The following MAL2 variants were observed in gnomAD, a reference collection of about 807,000 sequenced individuals.
MAL2 encodes the protein protein MAL2.
In MAL2, 17 loss-of-function variants were observed where a neutral mutation model predicts 18.1. The ratio of observed to expected loss-of-function variants is 0.94; its 90% CI spans 0.64 to 1.41. MAL2 has a LOEUF of 1.41. Among genes scored for constraint, MAL2 ranks in the 40% most tolerant of loss-of-function variants. The pLI is 0.00. For missense variants in MAL2, 222 were observed against 231.9 expected (o/e 0.96, Z 0.28); for synonymous variants, 102 against 102.3 (o/e 1.00, Z 0.02).
chr8:119,209,591 T>G (rs1346013257), intron 1 of MAL2, among the ~76,000 whole-genome samples: 1 of 152,192 alleles, frequency 6.6e-6, no homozygotes, highest in Non-Finnish European at 1.5e-5. Context: ...TGGTATTGTT[T>G]GCTCGGTTTA....
At chr8:119,214,760 C>A (rs989437959) in intron 1 of MAL2, among the ~76,000 whole-genome samples, 2 of 152,100 alleles carry the variant, frequency 1.3e-5, no homozygotes, top group Non-Finnish European at 2.9e-5. Flanking sequence ...ATTTTTAAAG[C>A]CTTCAAATGT....
chr8:119,214,947 C>T (rs1817325395), intron 1 of MAL2, among the ~76,000 whole-genome samples: 1 of 152,090 alleles, frequency 6.6e-6, no homozygotes, highest in Non-Finnish European at 1.5e-5. Context: ...CAGGGCCAGT[C>T]CAGAAGCAGT....
chr8:119,210,776 A>G (rs1241082271), intron 1 of MAL2, among the ~76,000 whole-genome samples: 2 of 152,218 alleles, frequency 1.3e-5, no homozygotes, highest in African/African-American at 4.8e-5. Flanking sequence ...GCTACGTAGA[A>G]CAGCATCACT....
chr8:119,223,443 AATTT>A (rs1403972935), intron 2 of MAL2: 3 of 151,796 alleles, frequency 2.0e-5, no homozygotes, highest in African/African-American at 7.3e-5. Context: ...TGTCCTTATT[AATTT>A]ATTTGTTTTC....
rs373723895 is a variant in MAL2 at position 119,243,409 on chromosome 8, T to C, written c.460-8T>C. On this transcript the variant is annotated splice_polypyrimidine_tract_variant and splice_region_variant and intron_variant, in intron 3 of 3. Transcript: ENST00000614891. ...ATCTGATGTGAATTTTTGTTTCTTT[T>C]TTCTTAGATTTTTGCCTTTATGACG... The C allele has an allele frequency of 7.1e-5, 112 of 1,578,218 alleles. No individual in the cohort carries two copies. Among genetic ancestry groups the C allele is most frequent in the Admixed American group, 1.5e-4 (8 of 54,794 alleles).
At chr8:119,243,260 A>C (rs1342604832) in intron 3 of MAL2, among the ~76,000 whole-genome samples, 157 bp from the exon 4 acceptor site, 2 of 143,734 alleles carry the variant, frequency 1.4e-5, no homozygotes, top group Non-Finnish European at 3.0e-5. Context: ...CAGTTGTACA[A>C]ATCATCAAAA....
intron 2 of MAL2, among the ~76,000 whole-genome samples, chr8:119,232,323 C>T (rs1587135721): frequency 1.3e-5 from 2 of 152,000 alleles, no homozygotes; most frequent in African/African-American, 4.8e-5. Context: ...TGGCTTCAAA[C>T]AGTCAACAGT....
At chr8:119,225,186 T>C (rs2129826928) in intron 2 of MAL2, among the ~76,000 whole-genome samples, 1 of 152,306 alleles carries the variant, frequency 6.6e-6, no homozygotes, top group Admixed American at 6.5e-5. Context: ...TAGTTACATA[T>C]GTATACATGT....
At chr8:119,210,790 A>G (rs1817256542) in intron 1 of MAL2, among the ~76,000 whole-genome samples, 1 of 152,198 alleles carries the variant, frequency 6.6e-6, no homozygotes, top group African/African-American at 2.4e-5. Flanking sequence ...CATCACTTCC[A>G]AAAGCTTATT....
chr8:119,213,777 C>T (rs115004432), intron 1 of MAL2, among the ~76,000 whole-genome samples: 11,957 of 152,140 alleles, frequency 0.079, 1,367 homozygotes, highest in African/African-American at 0.25. Flanking sequence ...AAGATCGCAC[C>T]ATCACCCTCC....
intron 2 of MAL2, among the ~76,000 whole-genome samples, chr8:119,224,751 A>G (rs1817548467): frequency 6.6e-6 from 1 of 152,134 alleles, no homozygotes; most frequent in South Asian, 2.1e-4. Context: ...ATGCCTTTGC[A>G]TGCCCATGGC....
At chr8:119,220,672 C>T (rs1179645681) in intron 1 of MAL2, among the ~76,000 whole-genome samples, 1 of 152,242 alleles carries the variant, frequency 6.6e-6, no homozygotes, top group Middle Eastern at 3.4e-3. Flanking sequence ...TGTTCTTCAC[C>T]TATGCGGGGC....
chr8:119,232,264 G>A (rs993957863), intron 2 of MAL2, among the ~76,000 whole-genome samples: 6 of 151,264 alleles, frequency 4.0e-5, no homozygotes, highest in Admixed American at 6.6e-5. Context: ...CTGGACTTTG[G>A]GACTAGACAC....
In MAL2 at chr8:119,245,240, T is replaced by C. The variant is rs191940365; in HGVS notation, c.*1752T>C. 1.3e-5 allele frequency: 2 copies of C among 152,742 alleles called. No individual in the cohort carries two copies. The highest frequency in any genetic ancestry group is 3.9e-4 in the East Asian group (2 of 5,176). The allele number at this position is 152,742 out of a possible 1,614,324, so 9.5% of individuals were successfully genotyped here. A position where few individuals can be genotyped will look rare whatever the true frequency, so the allele number is the denominator to read the frequency against. On this transcript the variant is annotated 3_prime_UTR_variant, in exon 4 of 4. Coordinates refer to ENST00000614891, the MANE Select transcript of MAL2 (RefSeq NM_052886.3). ...TCCATACCACACACCTAAACCTGTA[T>C]TATGAATTACATATTACAAAGTCAT...
At chr8:119,234,681 A>AC (rs1171644799) in intron 2 of MAL2, among the ~76,000 whole-genome samples, 1 of 151,652 alleles carries the variant, frequency 6.6e-6, no homozygotes, top group Non-Finnish European at 1.5e-5. Flanking sequence ...ACTGGGAGGC[A>AC]CCCCCCAGCA....
chr8:119,218,966 A>G (rs1176860204), intron 1 of MAL2, among the ~76,000 whole-genome samples: 1 of 152,228 alleles, frequency 6.6e-6, no homozygotes, highest in Non-Finnish European at 1.5e-5. Flanking sequence ...GTAAGAAAAG[A>G]CTACCAGAAA....
intron 2 of MAL2, among the ~76,000 whole-genome samples, chr8:119,230,654 C>T (rs1273664322): frequency 6.6e-6 from 1 of 152,138 alleles, no homozygotes; most frequent in Non-Finnish European, 1.5e-5. Context: ...CACCAAATCT[C>T]TTTATTTAAA....
At chr8:119,239,410 C>T (rs1010679493) in intron 2 of MAL2, among the ~76,000 whole-genome samples, 1 of 151,822 alleles carries the variant, frequency 6.6e-6, no homozygotes, top group South Asian at 2.1e-4. Context: ...TTTGACCCAG[C>T]CATCCCATTA....
Position 119,221,629 on chromosome 8 carries a change from G to A in MAL2, c.175G>A (p.Val59Ile), listed in dbSNP as rs1283817846. The change falls in exon 2 of 4, where the codon GTT becomes ATT. Residue 59 changes from valine (V) to isoleucine (I), a missense_variant. Val to Ile is a conservative substitution (Grantham distance 29, BLOSUM62 3). Coordinates refer to ENST00000614891, the MANE Select transcript of MAL2 (RefSeq NM_052886.3). The stretch of plus-strand genomic sequence containing the variant: ...CTGGATTTTGGTTGCCTCCTCCAAT[G>A]TTCCTCTACCTCTACTACAAGGATG... Reference protein sequence around the residue: ...LVWILVASSNVPLPLLQGWVM... With the variant: ...LVWILVASSNIPLPLLQGWVM... 6.8e-6 allele frequency: 11 copies of A among 1,613,844 alleles called. No homozygotes were observed. Among genetic ancestry groups the A allele is most frequent in the South Asian group, 2.2e-5 (2 of 91,078 alleles).
Sources: allele counts gnomAD v4.1 joint callset (sites outside exome capture counted in the v4.1 genomes callset), GRCh38; gene constraint gnomAD v4.1.1; transcripts MANE v1.5; gene names NCBI Gene and HGNC (gene_info 2026-07-23, HGNC 2026-07-21).